Variants in SMIM7 observed in about 807,000 individuals in gnomAD.
SMIM7 encodes small integral membrane protein 7, also known as UPF0608 protein C19orf42.
A neutral mutation model predicts 13.3 loss-of-function variants in SMIM7; 12 were observed. The ratio of observed to expected loss-of-function variants is 0.90; its 90% CI spans 0.58 to 1.46. The LOEUF (loss-of-function observed/expected upper bound fraction) is 1.46. Ranked by LOEUF, SMIM7 falls within the 40% of genes most tolerant of loss-of-function variation. The probability of loss-of-function intolerance (pLI) is 0.00; values close to 1 mark genes in which losing one functional copy is unlikely to be tolerated. For missense variants in SMIM7, 114 were observed against 94.8 expected, an observed-to-expected ratio of 1.20 and a Z score of -0.84; for synonymous variants, 36 against 35.8, an observed-to-expected ratio of 1.01 and a Z score of -0.02.
intron 3 of SMIM7, chr19:16,659,157 C>T (rs2086634464): frequency 1.7e-6 from 1 of 584,328 alleles, no homozygotes; most frequent in African/African-American, 1.9e-5. Context: ...GTGGCACACA[C>T]CTGTAATCCC....
intron 4 of SMIM7, chr19:16,652,533 T>A (rs1223135437): frequency 2.8e-6 from 3 of 1,058,064 alleles, no homozygotes; most frequent in Non-Finnish European, 3.4e-6. Flanking sequence ...TTCCTTGATC[T>A]CCTCACAAGC....
intron 2 of SMIM7, chr19:16,659,660 C>T (rs1365043774): frequency 4.6e-6 from 3 of 658,832 alleles, no homozygotes; most frequent in African/African-American, 1.8e-5. Flanking sequence ...TACAAAGTGG[C>T]CCGACAGTGC....
intron 4 of SMIM7, among the ~76,000 whole-genome samples, chr19:16,632,440 G>A (rs1256243102): frequency 1.3e-5 from 2 of 152,092 alleles, no homozygotes; most frequent in African/African-American, 2.4e-5. Flanking sequence ...ACCTGGTTGG[G>A]GGGTGGGAAT....
chr19:16,653,882 A>C lies in SMIM7; in HGVS notation c.212+153T>G, dbSNP rs1384987122. 22 of 669,474 alleles carry C rather than the reference A, an allele frequency of 3.3e-5. No individual in the cohort carries two copies. The East Asian group carries it at 5.9e-4, about 18-fold the overall frequency. The allele number at this position is 669,474 out of a possible 1,614,324, so 41.5% of individuals were successfully genotyped here. A position where few individuals can be genotyped will look rare whatever the true frequency, so the allele number is the denominator to read the frequency against. Reference sequence around the variant, plus strand: ...TGCACTCCAGTTTAGGCGACAGAGCAAGATTCCATCTCAAACAAAACAAAA... The same window carrying C: ...TGCACTCCAGTTTAGGCGACAGAGCCAGATTCCATCTCAAACAAAACAAAA... On this transcript the variant is annotated intron_variant, in intron 4 of 4. Transcript: ENST00000487416.
intron 4 of SMIM7, among the ~76,000 whole-genome samples, chr19:16,653,364 C>T (rs907261431): frequency 6.6e-6 from 1 of 152,184 alleles, no homozygotes; most frequent in Non-Finnish European, 1.5e-5. Flanking sequence ...AGGTGGATCA[C>T]ATGAGGTCAG....
intron 4 of SMIM7, among the ~76,000 whole-genome samples, chr19:16,637,593 G>A (rs1381093245): frequency 1.3e-5 from 2 of 152,206 alleles, no homozygotes; most frequent in African/African-American, 4.8e-5. Context: ...AAGGGATTTA[G>A]GAGGATGTTG....
chr19:16,654,718 T>C (rs1331685047), intron 3 of SMIM7, among the ~76,000 whole-genome samples: 1 of 152,122 alleles, frequency 6.6e-6, no homozygotes, highest in Non-Finnish European at 1.5e-5. Flanking sequence ...GAAGACTATT[T>C]TGTGAGACAC....
chr19:16,638,585 G>C (rs1483123541), intron 4 of SMIM7, among the ~76,000 whole-genome samples: 1 of 152,080 alleles, frequency 6.6e-6, no homozygotes, highest in African/African-American at 2.4e-5. Context: ...TGGGATTACA[G>C]GCATGAGCCA....
intron 4 of SMIM7, among the ~76,000 whole-genome samples, chr19:16,648,613 G>A (rs1159982472): frequency 2.0e-5 from 3 of 152,212 alleles, no homozygotes; most frequent in African/African-American, 4.8e-5. Flanking sequence ...AAAGGGCAGA[G>A]AATCTTAAGA....
At chr19:16,634,777 T>TTAA (rs1346772017) in intron 4 of SMIM7, 10 of 45,404 alleles carry the variant, frequency 2.2e-4, no homozygotes, top group African/African-American at 9.9e-4. Context: ...GACTCTGTCT[T>TTAA]AAAAAAAAAA....
chr19:16,635,166 A>C (rs1416005806), intron 4 of SMIM7: 1 of 151,666 alleles, frequency 6.6e-6, no homozygotes, highest in African/African-American at 2.4e-5. Context: ...GTTTGAGACC[A>C]GCCTGGCCAA....
At position 16,660,065 on chromosome 19, in the gene SMIM7, C is replaced by T. The variant is rs201703542; in HGVS notation, c.26+20G>A. The T allele has an allele frequency of 1.9e-4, 313 of 1,614,218 alleles. No individual in the cohort carries two copies. The African/African-American group carries it at 4.0e-3, about 21-fold the overall frequency. On this transcript the variant is annotated intron_variant, in intron 1 of 4. Transcript: ENST00000487416. The stretch of plus-strand genomic sequence containing the variant: ...GTCCTGCCTGGCTCTCTCTTCCCAG[C>T]CTCTGGTCCCCCTAATTACCCGAAC...
Position 16,656,118 on chromosome 19 carries a change from G to A in SMIM7, c.122-1993C>T, listed in dbSNP as rs147244835. ...TACTCATTCCAGGCCGGGTGCAGTGGCTCACAACTGTAATCCCAGCACTTT... is the reference window on the plus strand; with the variant it reads ...TACTCATTCCAGGCCGGGTGCAGTGACTCACAACTGTAATCCCAGCACTTT... On this transcript the variant is annotated intron_variant, in intron 3 of 4. Coordinates refer to ENST00000487416, the MANE Select transcript of SMIM7 (RefSeq NM_024104.4). Among the ~76,000 whole-genome samples the A allele has an allele frequency of 6.0e-3, 920 of 152,230 alleles. 10 individuals carry two copies. The highest frequency in any genetic ancestry group is 0.021 in the African/African-American group (868 of 41,534).
chr19:16,656,857 C>T (rs1208750086), intron 3 of SMIM7, among the ~76,000 whole-genome samples: 1 of 151,944 alleles, frequency 6.6e-6, no homozygotes, highest in Non-Finnish European at 1.5e-5. Context: ...TGAGATGGTG[C>T]CACTGCACTC....
chr19:16,637,814 T>C (rs2086370352), intron 4 of SMIM7, among the ~76,000 whole-genome samples: 1 of 152,230 alleles, frequency 6.6e-6, no homozygotes. Context: ...GGGTCAGACT[T>C]TGACCATCTG....
chr19:16,636,545 A>G (rs2086362699), intron 4 of SMIM7: 1 of 152,162 alleles, frequency 6.6e-6, no homozygotes, highest in Non-Finnish European at 1.5e-5. Context: ...AAGTTTTTGT[A>G]TTTTTAGTAG....
At chr19:16,648,354 C>A (rs1568302554) in intron 4 of SMIM7, among the ~76,000 whole-genome samples, 2 of 151,658 alleles carry the variant, frequency 1.3e-5, no homozygotes, top group Non-Finnish European at 2.9e-5. Flanking sequence ...TTGGTCAGGC[C>A]GGTCTCAAAC....
intron 2 of SMIM7, 198 bp from the exon 3 acceptor site, chr19:16,659,645 C>A: frequency 1.5e-6 from 1 of 674,196 alleles, no homozygotes; most frequent in African/African-American, 1.8e-5. Flanking sequence ...CAGCCACCGA[C>A]CGTTTACAAA....
rs552936772 is a variant in SMIM7, at chr19:16,655,474, A to T, written c.122-1349T>A. On this transcript the variant is annotated intron_variant, in intron 3 of 4. Coordinates refer to ENST00000487416, the MANE Select transcript of SMIM7 (RefSeq NM_024104.4). ...GGCAGGCAGATTACCTGAGGTCGGG[A>T]GTTCGAGACCAGCCTGGCCAACATG... 6.6e-6 allele frequency: 3 copies of T among 451,372 alleles called. No homozygotes were observed. In the East Asian group the frequency reaches 2.1e-4, roughly 31 times the overall value. The allele number at this position is 451,372 out of a possible 1,614,324, so 28.0% of individuals were successfully genotyped here.
Sources: gnomAD v4.1 joint callset for allele counts (sites outside exome capture counted in the v4.1 genomes callset) on GRCh38, gnomAD v4.1.1 for gene constraint, MANE v1.5 for transcripts, NCBI Gene and HGNC (gene_info 2026-07-23, HGNC 2026-07-21) for gene names.